Variants in DTNA observed in about 807,000 individuals in gnomAD.
The protein encoded by DTNA is dystrobrevin alpha, also known as dystrophin-related protein 3.
DTNA carries 43 observed loss-of-function variants against 100.7 expected under a neutral mutation model. That is an observed-to-expected ratio of 0.43 (90% CI 0.33 to 0.55). The LOEUF (loss-of-function observed/expected upper bound fraction) is 0.55. Among genes scored for constraint, DTNA ranks in the 20% least tolerant of loss-of-function variants. DTNA has a pLI of 0.04. For missense variants in DTNA, 798 were observed against 953.9 expected, an observed-to-expected ratio of 0.84 and a Z score of 2.15; for synonymous variants, 349 against 347.9, an observed-to-expected ratio of 1.00 and a Z score of -0.04.
intron 1 of DTNA, among the ~76,000 whole-genome samples, chr18:34,660,797 T>C (rs926708165): frequency 1.8e-4 from 27 of 152,208 alleles, no homozygotes; most frequent in Non-Finnish European, 4.4e-5. Flanking sequence ...TGTTTGAATC[T>C]ACCTATGACC....
chr18:34,700,575 G>A (rs557803833), intron 1 of DTNA, among the ~76,000 whole-genome samples: 1 of 152,178 alleles, frequency 6.6e-6, no homozygotes, highest in South Asian at 2.1e-4. Context: ...CATTCACCAG[G>A]CATTAGTGAA....
intron 1 of DTNA, among the ~76,000 whole-genome samples, chr18:34,696,250 G>A (rs1004689041): frequency 6.6e-6 from 1 of 152,054 alleles, no homozygotes; most frequent in Non-Finnish European, 1.5e-5. Flanking sequence ...ATACACTATT[G>A]ACTTGAAAGC....
chr18:34,697,720 G>A (rs2080784301), intron 1 of DTNA, among the ~76,000 whole-genome samples: 1 of 152,092 alleles, frequency 6.6e-6, no homozygotes, highest in Admixed American at 6.6e-5. Context: ...GCAGGAGGAG[G>A]TGACAACTTC....
rs551286192 is a variant in DTNA, at chr18:34,602,736, G to T, written c.-2+109222G>T. 3.9e-5 allele frequency among the ~76,000 whole-genome samples: 6 copies of T among 152,048 alleles called. No homozygotes were observed. The South Asian group carries it at 1.2e-3, about 32-fold the overall frequency. Reference sequence around the variant, plus strand: ...ACAAACAAACAAAAAAAGAGGCCCGGCGTGGTGGCTCATACCTGTAATCCC... The same window carrying T: ...ACAAACAAACAAAAAAAGAGGCCCGTCGTGGTGGCTCATACCTGTAATCCC... On this transcript the variant is annotated intron_variant, in intron 1 of 19. Coordinates refer to the DTNA transcript ENST00000283365.
intron 13 of DTNA, among the ~76,000 whole-genome samples, chr18:34,841,295 A>G (rs1027585158): frequency 2.0e-5 from 3 of 152,142 alleles, no homozygotes; most frequent in African/African-American, 7.2e-5. Context: ...TCTTTTGTGG[A>G]TGCCTCCTTC....
intron 11 of DTNA, among the ~76,000 whole-genome samples, chr18:34,835,650 T>C (rs959997641): frequency 2.0e-5 from 3 of 152,190 alleles, no homozygotes; most frequent in Non-Finnish European, 4.4e-5. Context: ...CTGTACACAG[T>C]ACTGAGGCTA....
At chr18:34,812,826 T>C (rs954874791) in intron 6 of DTNA, among the ~76,000 whole-genome samples, 2 of 152,164 alleles carry the variant, frequency 1.3e-5, no homozygotes, top group Non-Finnish European at 2.9e-5. Flanking sequence ...TCATGTGAAA[T>C]ATATGCTTGA....
intron 1 of DTNA, among the ~76,000 whole-genome samples, chr18:34,559,413 C>G (rs1372135087): frequency 2.0e-5 from 3 of 152,112 alleles, no homozygotes. Flanking sequence ...TGTGTGCAAC[C>G]TTTTTTATTT....
intron 1 of DTNA, among the ~76,000 whole-genome samples, chr18:34,637,821 A>C (rs2148279029): frequency 6.6e-6 from 1 of 152,402 alleles, no homozygotes; most frequent in African/African-American, 2.4e-5. Flanking sequence ...GAGTTTCTTA[A>C]GATTCAGTCA....
chr18:34,538,018 GAAAT>G (rs1425988451), intron 1 of DTNA, among the ~76,000 whole-genome samples: 1 of 151,996 alleles, frequency 6.6e-6, no homozygotes, highest in African/African-American at 2.4e-5. Flanking sequence ...ATAAGTGTAA[GAAAT>G]AAATTCATTC....
chr18:34,704,157 T>TG (rs2081803666), intron 1 of DTNA, among the ~76,000 whole-genome samples: 2 of 152,212 alleles, frequency 1.3e-5, no homozygotes, highest in African/African-American at 4.8e-5. Flanking sequence ...CCCAGTTCTC[T>TG]CCATCCCATT....
chr18:34,867,162 G>GT, intron 17 of DTNA: 1 of 1,231,052 alleles, frequency 8.1e-7, no homozygotes, highest in Non-Finnish European at 1.0e-6. Flanking sequence ...CAATTTCAAC[G>GT]TATCTTTCAT....
chr18:34,882,144 G>C lies in DTNA; in HGVS notation c.2238G>C (p.Glu746Asp). ...AAAATGACTCTGTCCGGCAGCTGGA[G>C]AATGAGCTCCAGATGGAGGAATACC... is the stretch of plus-strand genomic sequence containing the variant. ...NYENDSVRQLENELQMEEYLK... is the reference protein window; with the variant it reads ...NYENDSVRQLDNELQMEEYLK... The change falls in exon 21 of 23, where the codon GAG (glutamate) becomes GAC (aspartate). Residue 746 changes from glutamate to aspartate, a missense_variant. Glu to Asp is a conservative substitution (Grantham distance 45, BLOSUM62 2). Around this residue, in one of 6 missense-constraint regions of DTNA, gnomAD observed 242 missense variants for 238.2 expected, o/e 1.02. Transcript: ENST00000444659. 1 of 1,614,088 alleles carries C rather than the reference G, an allele frequency of 6.2e-7. No homozygotes were observed. The highest frequency in any genetic ancestry group is 1.1e-5 in the South Asian group (1 of 91,080).
chr18:34,829,653 G>T (rs910882608), intron 11 of DTNA, among the ~76,000 whole-genome samples, 164 bp downstream of exon 11: 2 of 152,120 alleles, frequency 1.3e-5, no homozygotes, highest in African/African-American at 4.8e-5. Flanking sequence ...ACTTGAGCTG[G>T]ACTTTGCAGC....
chr18:34,530,621 G>A (rs1374608384), intron 1 of DTNA, among the ~76,000 whole-genome samples: 1 of 152,000 alleles, frequency 6.6e-6, no homozygotes, highest in Non-Finnish European at 1.5e-5. Context: ...AATTAGTGGG[G>A]AATTATCAAG....
chr18:34,541,634 A>C (rs532901710), intron 1 of DTNA, among the ~76,000 whole-genome samples: 20 of 152,240 alleles, frequency 1.3e-4, no homozygotes, highest in African/African-American at 4.6e-4. Context: ...TAAATTACCC[A>C]GTCTCCAGTA....
At chr18:34,619,503 G>A (rs2056028372) in intron 1 of DTNA, among the ~76,000 whole-genome samples, 1 of 152,160 alleles carries the variant, frequency 6.6e-6, no homozygotes, top group African/African-American at 2.4e-5. Flanking sequence ...CAATGAGATA[G>A]GAAAGGGAGG....
At chr18:34,715,349 G>C (rs1381181353) in intron 1 of DTNA, among the ~76,000 whole-genome samples, 1 of 152,038 alleles carries the variant, frequency 6.6e-6, no homozygotes, top group African/African-American at 2.4e-5. Context: ...CAATTAACTG[G>C]TCTTCACTTC....
At chr18:34,589,256 G>A (rs954939359) in intron 1 of DTNA, among the ~76,000 whole-genome samples, 1 of 152,046 alleles carries the variant, frequency 6.6e-6, no homozygotes, top group Non-Finnish European at 1.5e-5. Context: ...TATATATAGT[G>A]AGGTGATTAC....
Sources: allele counts gnomAD v4.1 joint callset (sites outside exome capture counted in the v4.1 genomes callset), GRCh38; gene constraint gnomAD v4.1.1; regional missense constraint gnomAD v4.1.1; transcripts MANE v1.5; gene names NCBI Gene and HGNC (gene_info 2026-07-23, HGNC 2026-07-21).